ARHGAP35: variants seen among roughly 807,000 people sequenced by gnomAD.
The protein encoded by ARHGAP35 is Rho GTPase activating protein 35.
ARHGAP35 carries 15 observed loss-of-function variants against 111.1 expected under a neutral mutation model. That is an observed-to-expected ratio of 0.13 (90% CI 0.09 to 0.21). The LOEUF (loss-of-function observed/expected upper bound fraction) is 0.21. ARHGAP35 is among the 10% of genes least tolerant of loss of function. The pLI, the probability that ARHGAP35 is intolerant of heterozygous loss-of-function variation, is 1.00. For missense variants in ARHGAP35, 1,262 were observed against 1,873.0 expected, an observed-to-expected ratio of 0.67 and a Z score of 6.02; for synonymous variants, 643 against 710.3, an observed-to-expected ratio of 0.91 and a Z score of 1.51.
intron 1 of ARHGAP35, among the ~76,000 whole-genome samples, chr19:46,888,987 G>A (rs549949386): frequency 2.0e-5 from 3 of 150,456 alleles, no homozygotes; most frequent in Non-Finnish European, 3.0e-5. Context: ...GTGGCAGAGC[G>A]AGACTCCGTC....
intron 3 of ARHGAP35, among the ~76,000 whole-genome samples, chr19:46,940,602 C>A (rs2056340877): frequency 6.8e-6 from 1 of 147,882 alleles, no homozygotes; most frequent in Admixed American, 6.7e-5. Context: ...GCTTTGTTTT[C>A]CCTTTTTTTT....
At chr19:46,966,175 A>T (rs2056514206) in intron 3 of ARHGAP35, among the ~76,000 whole-genome samples, 1 of 152,074 alleles carries the variant, frequency 6.6e-6, no homozygotes, top group Non-Finnish European at 1.5e-5. Context: ...TTCTTTGCAA[A>T]ATATTTATAC....
At chr19:46,967,041 C>T (rs2056519136) in intron 3 of ARHGAP35, among the ~76,000 whole-genome samples, 1 of 151,884 alleles carries the variant, frequency 6.6e-6, no homozygotes, top group African/African-American at 2.4e-5. Context: ...GTGCTGACCA[C>T]GTAGCCATAT....
chr19:46,916,078 G>T (rs1226985334), intron 1 of ARHGAP35, among the ~76,000 whole-genome samples: 2 of 151,902 alleles, frequency 1.3e-5, no homozygotes, highest in Non-Finnish European at 2.9e-5. Context: ...GGGACTACAG[G>T]TGCCCACCTC....
At chr19:46,985,515 C>CA (rs1014088803) in intron 3 of ARHGAP35, among the ~76,000 whole-genome samples, 12 of 152,230 alleles carry the variant, frequency 7.9e-5, no homozygotes, top group African/African-American at 2.7e-4. Context: ...TGATCTGGGG[C>CA]AAGGACTTCA....
At chr19:46,898,799 T>C (rs1340303954) in intron 1 of ARHGAP35, among the ~76,000 whole-genome samples, 1 of 152,070 alleles carries the variant, frequency 6.6e-6, no homozygotes, top group Non-Finnish European at 1.5e-5. Context: ...CTGCTGCTGC[T>C]GCTGCTGCTG....
At chr19:46,893,501 A>G (rs903221184) in intron 1 of ARHGAP35, among the ~76,000 whole-genome samples, 2 of 152,048 alleles carry the variant, frequency 1.3e-5, no homozygotes, top group African/African-American at 4.8e-5. Flanking sequence ...TGATTCTGTC[A>G]TCTGAAGAAT....
chr19:46,892,501 A>G (rs963407695), intron 1 of ARHGAP35, among the ~76,000 whole-genome samples: 2 of 150,428 alleles, frequency 1.3e-5, no homozygotes, highest in African/African-American at 4.9e-5. Flanking sequence ...TGGTTAATGG[A>G]CCTGTTGGGT....
intron 3 of ARHGAP35, among the ~76,000 whole-genome samples, chr19:46,939,943 G>A (rs557100402): frequency 3.3e-5 from 5 of 151,760 alleles, no homozygotes; most frequent in African/African-American, 1.2e-4. Context: ...GTTACATTTA[G>A]TGGTCAAATC....
intron 3 of ARHGAP35, chr19:46,949,268 T>C (rs2056398931): frequency 1.3e-5 from 2 of 152,138 alleles, no homozygotes; most frequent in African/African-American, 2.4e-5. Context: ...AAAGAAGTCA[T>C]TGGGGAACAG....
chr19:46,889,736 G>A (rs2056014821), intron 1 of ARHGAP35, among the ~76,000 whole-genome samples: 1 of 137,862 alleles, frequency 7.3e-6, no homozygotes, highest in African/African-American at 2.8e-5. Context: ...GGGCGACAGA[G>A]CGAGACTCCG....
At chr19:46,962,543 C>G (rs1014583721) in intron 3 of ARHGAP35, among the ~76,000 whole-genome samples, 1 of 152,202 alleles carries the variant, frequency 6.6e-6, no homozygotes, top group African/African-American at 2.4e-5. Context: ...AGGCAGTAGA[C>G]AAGGGTGGGG....
chr19:46,978,461 TG>T (rs2056590918), intron 3 of ARHGAP35, among the ~76,000 whole-genome samples: 1 of 150,932 alleles, frequency 6.6e-6, no homozygotes, highest in Non-Finnish European at 1.5e-5. Flanking sequence ...GTGTGTGTAG[TG>T]GGGTCTGTGT....
chr19:46,898,552 T>C (rs7250499), intron 1 of ARHGAP35, among the ~76,000 whole-genome samples: 3,590 of 152,284 alleles, frequency 0.024, 149 homozygotes, highest in African/African-American at 0.081. Context: ...TAGTTAATAT[T>C]GCTGTTTTTA....
chr19:46,973,533 C>T (rs1192354616), intron 3 of ARHGAP35, among the ~76,000 whole-genome samples: 1 of 151,318 alleles, frequency 6.6e-6, no homozygotes, highest in African/African-American at 2.4e-5. Context: ...ACTAAAAATA[C>T]CAAAAACTTA....
intron 1 of ARHGAP35, among the ~76,000 whole-genome samples, chr19:46,910,052 T>G (rs970490351): frequency 5.9e-5 from 9 of 152,210 alleles, no homozygotes; most frequent in African/African-American, 1.9e-4. Context: ...TAGACTGTGT[T>G]AATTTGTTGG....
At chr19:46,944,008 A>T (rs1393033053) in intron 3 of ARHGAP35, among the ~76,000 whole-genome samples, 2 of 152,190 alleles carry the variant, frequency 1.3e-5, no homozygotes, top group Non-Finnish European at 2.9e-5. Context: ...TGATTACAAA[A>T]GTAATAGATG....
intron 3 of ARHGAP35, among the ~76,000 whole-genome samples, chr19:46,962,695 C>A (rs191621853): frequency 1.4e-4 from 21 of 152,320 alleles, no homozygotes; most frequent in African/African-American, 4.6e-4. Context: ...CAACCTCCAC[C>A]TCCCAGGTTC....
chr19:46,881,007 C>G (rs1031324622), intron 1 of ARHGAP35, among the ~76,000 whole-genome samples: 1 of 148,358 alleles, frequency 6.7e-6, no homozygotes, highest in Non-Finnish European at 1.5e-5. Flanking sequence ...TGCAATGGCG[C>G]GATCTCAGCT....
Sources: gnomAD v4.1 joint callset for allele counts (sites outside exome capture counted in the v4.1 genomes callset) on GRCh38, gnomAD v4.1.1 for gene constraint, MANE v1.5 for transcripts, NCBI Gene and HGNC (gene_info 2026-07-23, HGNC 2026-07-21) for gene names.